The following NCALD variants were observed in gnomAD, a reference collection of about 807,000 sequenced individuals.
NCALD encodes neurocalcin delta, also known as neurocalcin-delta.
NCALD carries 10 observed loss-of-function variants against 18.6 expected under a neutral mutation model. That is an observed-to-expected ratio of 0.54 (90% confidence interval 0.33 to 0.91). The LOEUF (loss-of-function observed/expected upper bound fraction) is 0.91, where lower values mean the gene tolerates loss of function less well. NCALD is among the 40% of genes least tolerant of loss of function. NCALD has a pLI of 0.03. For missense variants in NCALD, 184 were observed against 247.6 expected (o/e 0.74, Z 1.72); for synonymous variants, 88 against 87.4 (o/e 1.01, Z -0.04).
intron 2 of NCALD, among the ~76,000 whole-genome samples, chr8:101,959,066 T>C (rs1819741307): frequency 1.3e-5 from 2 of 152,124 alleles, no homozygotes; most frequent in African/African-American, 2.4e-5. Flanking sequence ...TTTATGTTCA[T>C]CCACTAGTCC....
chr8:102,081,581 A>G (rs868592329), intron 1 of NCALD, among the ~76,000 whole-genome samples: 19 of 117,748 alleles, frequency 1.6e-4, no homozygotes, highest in Admixed American at 1.5e-3. Flanking sequence ...AAAAAACCCC[A>G]AAAAAAACTG....
chr8:101,709,410 C>A (rs1470645413), intron 2 of NCALD, among the ~76,000 whole-genome samples: 1 of 152,158 alleles, frequency 6.6e-6, no homozygotes, highest in Admixed American at 6.6e-5. Context: ...TTGTCTAAGC[C>A]TATCATTTTC....
intron 1 of NCALD, among the ~76,000 whole-genome samples, chr8:102,088,768 T>C (rs1824825365): frequency 6.6e-6 from 1 of 152,170 alleles, no homozygotes; most frequent in African/African-American, 2.4e-5. Context: ...TAAAAGTAGA[T>C]AGATCTCCAG....
intron 4 of NCALD, among the ~76,000 whole-genome samples, chr8:101,877,440 G>C (rs1816274492): frequency 6.6e-6 from 1 of 152,030 alleles, no homozygotes; most frequent in Non-Finnish European, 1.5e-5. Flanking sequence ...AGCATTCCCT[G>C]GTTCCTAGCA....
intron 1 of NCALD, among the ~76,000 whole-genome samples, chr8:102,053,766 A>G (rs552175712): frequency 1.3e-5 from 2 of 152,344 alleles, no homozygotes; most frequent in South Asian, 4.1e-4. Context: ...CTGACACACA[A>G]ATGCATATTT....
Position 101,808,073 on chromosome 8 carries a change from C to T in NCALD, c.-20+79068G>A, listed in dbSNP as rs1259696336. On this transcript the variant is annotated intron_variant, in intron 4 of 6. Coordinates refer to the NCALD transcript ENST00000311028. ...AGAAAAAAAGAGAAGTCTCAAATTA[C>T]CAATATCTGTAATAAAAAGGGAACA... 5.9e-5 allele frequency among the ~76,000 whole-genome samples: 9 copies of T among 152,250 alleles called. 2 individuals carry two copies. Among genetic ancestry groups the T allele is most frequent in the Admixed American group, 4.6e-4 (7 of 15,294 alleles).
At chr8:101,762,044 C>G (rs1811133534) in intron 1 of NCALD, among the ~76,000 whole-genome samples, 1 of 152,182 alleles carries the variant, frequency 6.6e-6, no homozygotes, top group African/African-American at 2.4e-5. Context: ...TCCCTTAATT[C>G]TTCAGCTGAG....
At chr8:101,953,601 A>G (rs1343541699) in intron 2 of NCALD, among the ~76,000 whole-genome samples, 1 of 152,250 alleles carries the variant, frequency 6.6e-6, no homozygotes, top group Non-Finnish European at 1.5e-5. Flanking sequence ...AAAACAGTTT[A>G]AAGAGAACCA....
At chr8:101,885,611 A>G (rs1024341525) in intron 4 of NCALD, among the ~76,000 whole-genome samples, 10 of 152,154 alleles carry the variant, frequency 6.6e-5, no homozygotes, top group African/African-American at 2.4e-4. Flanking sequence ...TGCAGCATGA[A>G]CTCTCGCAGT....
chr8:101,998,962 T>C (rs1411483884), intron 2 of NCALD, among the ~76,000 whole-genome samples: 1 of 151,602 alleles, frequency 6.6e-6, no homozygotes, highest in African/African-American at 2.4e-5. Flanking sequence ...GTGTATTTAA[T>C]GTCAAACTTA....
At chr8:102,054,846 C>T (rs1227616950) in intron 1 of NCALD, among the ~76,000 whole-genome samples, 1 of 152,142 alleles carries the variant, frequency 6.6e-6, no homozygotes, top group Non-Finnish European at 1.5e-5. Context: ...CTCTATATCT[C>T]TGTCTCTATA....
chr8:101,996,098 G>A (rs888245627), intron 2 of NCALD, among the ~76,000 whole-genome samples: 1 of 152,222 alleles, frequency 6.6e-6, no homozygotes, highest in Non-Finnish European at 1.5e-5. Flanking sequence ...CCAAGGGCTT[G>A]GCATGGTGCC....
chr8:101,832,691 C>T (rs1814238399), intron 4 of NCALD, among the ~76,000 whole-genome samples: 1 of 152,108 alleles, frequency 6.6e-6, no homozygotes, highest in African/African-American at 2.4e-5. Flanking sequence ...ACTTAATACA[C>T]GTTTGAGATT....
intron 1 of NCALD, among the ~76,000 whole-genome samples, chr8:101,763,519 G>T (rs1173110472): frequency 2.6e-5 from 4 of 152,150 alleles, no homozygotes; most frequent in Non-Finnish European, 4.4e-5. Context: ...GTGTGTGATC[G>T]TTCATCTTAT....
chr8:101,899,782 T>C (rs561154985), intron 3 of NCALD, among the ~76,000 whole-genome samples: 2 of 152,026 alleles, frequency 1.3e-5, no homozygotes, highest in African/African-American at 4.8e-5. Flanking sequence ...TTTATCAATA[T>C]TTTTAGGATT....
intron 1 of NCALD, among the ~76,000 whole-genome samples, chr8:101,768,055 A>C (rs921412609): frequency 6.6e-6 from 1 of 152,228 alleles, no homozygotes; most frequent in Non-Finnish European, 1.5e-5. Flanking sequence ...GGCATAATTA[A>C]AATAAGGAAC....
chr8:101,735,128 T>C (rs1370892388), intron 1 of NCALD, among the ~76,000 whole-genome samples: 2 of 151,762 alleles, frequency 1.3e-5, no homozygotes, highest in Non-Finnish European at 1.5e-5. Flanking sequence ...AAATGATAGA[T>C]TGAAGGGAGG....
intron 1 of NCALD, among the ~76,000 whole-genome samples, chr8:101,777,569 T>C (rs1811845018): frequency 6.6e-6 from 1 of 152,072 alleles, no homozygotes; most frequent in Admixed American, 6.6e-5. Flanking sequence ...TCAATCAGGG[T>C]TGGGGGTGCT....
intron 4 of NCALD, chr8:101,852,643 A>G (rs1815145102): frequency 6.6e-6 from 1 of 152,242 alleles, no homozygotes; most frequent in Non-Finnish European, 1.5e-5. Flanking sequence ...TCCTCGCTGT[A>G]CTGGGGCAGC....
Sources: allele counts gnomAD v4.1 joint callset (sites outside exome capture counted in the v4.1 genomes callset), GRCh38; gene constraint gnomAD v4.1.1; transcripts MANE v1.5; gene names NCBI Gene and HGNC (gene_info 2026-07-23, HGNC 2026-07-21).